TCEA1: variants seen among roughly 807,000 people sequenced by gnomAD.
TCEA1 encodes the protein transcription elongation factor A protein 1.
In TCEA1, 21 loss-of-function variants were observed where a neutral mutation model predicts 43.8. The ratio of observed to expected loss-of-function variants is 0.48; its 90% CI spans 0.34 to 0.69. TCEA1 has a LOEUF of 0.69. Ranked by LOEUF, TCEA1 falls within the 30% of genes least tolerant of loss-of-function variation. The pLI is 0.01. For synonymous variants in TCEA1, 104 were observed against 117.5 expected (o/e 0.88, Z 0.75); for missense variants, 250 against 365.1 (o/e 0.68, Z 2.57).
At chr8:54,020,283 C>T (rs184634680) in intron 1 of TCEA1, among the ~76,000 whole-genome samples, 1 of 151,982 alleles carries the variant, frequency 6.6e-6, no homozygotes, top group East Asian at 1.9e-4. Context: ...AACAAAATAA[C>T]GAAAATGTTC....
chr8:53,987,280 G>C (rs1286140263), intron 5 of TCEA1, among the ~76,000 whole-genome samples: 1 of 152,178 alleles, frequency 6.6e-6, no homozygotes, highest in African/African-American at 2.4e-5. Context: ...GATCTAGCAG[G>C]CAATTCATTT....
chr8:54,013,680 C>CAAAAAAAAAAAAAAAAAAAAAAAAAAA (rs5891511), intron 1 of TCEA1, among the ~76,000 whole-genome samples: 5 of 65,296 alleles, frequency 7.7e-5, no homozygotes, highest in Non-Finnish European at 1.1e-4. Flanking sequence ...AACTCCATCT[C>CAAAAAAAAAAAAAAAAAAAAAAAAAAA]AAAAAAAAAA....
intron 3 of TCEA1, 118 bp from the exon 4 acceptor site, chr8:53,993,873 T>C (rs532691450): frequency 1.3e-6 from 1 of 792,838 alleles, no homozygotes; most frequent in South Asian, 1.7e-5. Flanking sequence ...TACAAGTAGA[T>C]GAAGTTTGCA....
At chr8:54,017,994 T>C (rs919486330) in intron 1 of TCEA1, among the ~76,000 whole-genome samples, 1 of 152,214 alleles carries the variant, frequency 6.6e-6, no homozygotes, top group African/African-American at 2.4e-5. Context: ...AACCCTTGCA[T>C]TGTTCAAGAG....
chr8:53,997,512 C>G (rs1014421248), intron 3 of TCEA1, among the ~76,000 whole-genome samples: 1 of 152,194 alleles, frequency 6.6e-6, no homozygotes, highest in Non-Finnish European at 1.5e-5. Flanking sequence ...AAGGACATAA[C>G]ATGCTTAAAC....
chr8:53,980,263 A>C (rs760547378), intron 7 of TCEA1, among the ~76,000 whole-genome samples: 3 of 152,236 alleles, frequency 2.0e-5, no homozygotes, highest in Non-Finnish European at 4.4e-5. Context: ...TTGAGGCAAG[A>C]AATGTATAGA....
At position 53,970,293 on chromosome 8, in the gene TCEA1, T is replaced by A. The variant is rs369166584; in HGVS notation, c.897+99A>T. The stretch of plus-strand genomic sequence containing the variant: ...AAGAGTACTGTATAGTGTGAGCATA[T>A]CTGTATATATTTAGATATCTAGGCA... On this transcript the variant is annotated intron_variant, in intron 9 of 9. Transcript: ENST00000521604. 17 of 820,512 alleles carry A rather than the reference T, an allele frequency of 2.1e-5. No homozygotes were observed. In the African/African-American group the frequency reaches 2.7e-4, roughly 13 times the overall value. 50.8% of individuals were successfully genotyped at this position (820,512 alleles called of 1,614,324 possible).
intron 3 of TCEA1, among the ~76,000 whole-genome samples, chr8:53,997,433 C>T (rs938399941): frequency 2.6e-5 from 4 of 152,104 alleles, no homozygotes; most frequent in African/African-American, 9.7e-5. Context: ...AAAAACAATA[C>T]ACTATACAGT....
At chr8:54,008,197 G>C (rs76041053) in intron 2 of TCEA1, among the ~76,000 whole-genome samples, 1 of 111,814 alleles carries the variant, frequency 8.9e-6, no homozygotes, top group Non-Finnish European at 1.9e-5. Flanking sequence ...AAAAAAAAAA[G>C]CTTCTGCACA....
rs959070884 is a variant in TCEA1, at chr8:54,022,173, G to A, written c.-48C>T. On this transcript the variant is annotated 5_prime_UTR_variant, in exon 1 of 10. Transcript: ENST00000521604. ...GCCCACCCCGCTGGCAAGGGGAAGT[G>A]GGCGAAGCTGGAGCGGAAGACACAG... 1 of 1,580,678 alleles carries A rather than the reference G, an allele frequency of 6.3e-7. No individual in the cohort carries two copies. The highest frequency in any genetic ancestry group is 1.1e-5 in the South Asian group (1 of 89,470).
intron 9 of TCEA1, 198 bp downstream of exon 9, chr8:53,970,194 A>G (rs1803113581): frequency 1.7e-6 from 1 of 602,156 alleles, no homozygotes; most frequent in South Asian, 2.0e-5. Context: ...AAAGGTGGTA[A>G]AGTCAAGTTA....
chr8:53,974,283 G>A (rs1803256743), intron 8 of TCEA1: 1 of 152,208 alleles, frequency 6.6e-6, no homozygotes, highest in South Asian at 2.1e-4. Flanking sequence ...ATATTTATTG[G>A]GAACAAAGCT....
At position 54,022,411 on chromosome 8, in the gene TCEA1, G is replaced by C; in HGVS notation, c.-286C>G. 2 of 482,136 alleles carry C rather than the reference G, an allele frequency of 4.1e-6. No individual in the cohort carries two copies. The highest frequency in any genetic ancestry group is 1.1e-3 in the Middle Eastern group (2 of 1,846). 29.9% of individuals were successfully genotyped at this position (482,136 alleles called of 1,614,324 possible). A position where few individuals can be genotyped will look rare whatever the true frequency, so the allele number is the denominator to read the frequency against. ...AGGGGCGAGCCCATGTTCCCGCCAGGCGGGCGTCGGGCTAGTGGGCAGGCG... is the reference window on the plus strand; with the variant it reads ...AGGGGCGAGCCCATGTTCCCGCCAGCCGGGCGTCGGGCTAGTGGGCAGGCG... On this transcript the variant is annotated 5_prime_UTR_variant, in exon 1 of 10. Coordinates refer to ENST00000521604, the MANE Select transcript of TCEA1 (RefSeq NM_006756.4).
chr8:54,016,363 C>G lies in TCEA1; in HGVS notation c.63+5700G>C, dbSNP rs184866143. Among the ~76,000 whole-genome samples, 484 of 152,090 alleles carry G rather than the reference C, an allele frequency of 3.2e-3. 1 individual carries two copies. The highest frequency in any genetic ancestry group is 9.9e-3 in the African/African-American group (410 of 41,482). On this transcript the variant is annotated intron_variant, in intron 1 of 9. Transcript: ENST00000521604. ...CTGGGTGCCTGTAGCCCCAGCTACT[C>G]GGGAGGCTGAGGCAGGAGAATGGTG...
Position 53,986,987 on chromosome 8 carries a change from C to A in TCEA1, c.505G>T (p.Gly169Ter). The A allele has an allele frequency of 1.3e-6, 2 of 1,598,138 alleles. No individual in the cohort carries two copies. Among genetic ancestry groups the A allele is most frequent in the South Asian group, 2.3e-5 (2 of 87,508 alleles). Reference sequence around the variant, plus strand: ...AGGATATCTTCTTCAATTTGAGATCCTAATTCTTCCTCATCAGCTCCAATT... The same window carrying A: ...AGGATATCTTCTTCAATTTGAGATCATAATTCTTCCTCATCAGCTCCAATT... ...IAIGADEEEL[G>*]SQIEEAIYQE... The change falls in exon 6 of 10, where the codon GGA (glycine) becomes TGA (stop). Residue 169 changes from glycine (G) to a stop codon, truncating the protein, a stop_gained. Coordinates refer to ENST00000521604, the MANE Select transcript of TCEA1 (RefSeq NM_006756.4). LOFTEE classifies it high-confidence loss of function.
chr8:54,007,803 C>A (rs1440329356), intron 2 of TCEA1, among the ~76,000 whole-genome samples: 1 of 152,070 alleles, frequency 6.6e-6, no homozygotes, highest in Admixed American at 6.5e-5. Flanking sequence ...AAACATCAAC[C>A]AGAAAATAAC....
rs1024586290 is a variant in TCEA1 at position 54,022,445 on chromosome 8, G to C, written c.-320C>G. 5 of 419,796 alleles carry C rather than the reference G, an allele frequency of 1.2e-5. No homozygotes were observed. The highest frequency in any genetic ancestry group is 2.1e-5 in the African/African-American group (1 of 47,472). The allele number at this position is 419,796 out of a possible 1,614,324, so 26.0% of individuals were successfully genotyped here. On this transcript the variant is annotated 5_prime_UTR_variant, in exon 1 of 10. Coordinates refer to ENST00000521604, the MANE Select transcript of TCEA1 (RefSeq NM_006756.4). ...GGGCTAGTGGGCAGGCGTGGCTTCC[G>C]GCTAGAGGGTCGTGGAAGGCGCCCG...
intron 4 of TCEA1, chr8:53,993,369 T>A (rs1243410880): frequency 9.6e-6 from 2 of 207,490 alleles, no homozygotes; most frequent in African/African-American, 4.6e-5. Context: ...ACCATTTGAA[T>A]CCCTAATCAC....
intron 1 of TCEA1, among the ~76,000 whole-genome samples, chr8:54,011,032 A>T (rs887938511): frequency 7.9e-5 from 12 of 152,108 alleles, no homozygotes; most frequent in African/African-American, 2.7e-4. Flanking sequence ...CAAACTTCTG[A>T]TCTCAGGTGA....
Sources: gnomAD v4.1 joint callset for allele counts (sites outside exome capture counted in the v4.1 genomes callset) on GRCh38, gnomAD v4.1.1 for gene constraint, MANE v1.5 for transcripts, NCBI Gene and HGNC (gene_info 2026-07-23, HGNC 2026-07-21) for gene names.